Variants in PDIA5 observed in about 807,000 individuals in gnomAD.
The protein encoded by PDIA5 is protein disulfide-isomerase A5.
A neutral mutation model predicts 77.6 loss-of-function variants in PDIA5; 58 were observed. The observed-to-expected ratio is 0.75, with a 90% confidence interval of 0.61 to 0.93. The LOEUF (loss-of-function observed/expected upper bound fraction) is 0.93. Ranked by LOEUF, PDIA5 falls within the 40% of genes least tolerant of loss-of-function variation. The pLI is 0.00. For missense variants in PDIA5, 630 were observed against 647.7 expected (o/e 0.97, Z 0.30); for synonymous variants, 250 against 252.1 (o/e 0.99, Z 0.08).
At chr3:123,125,703 T>C (rs1158191330) in intron 10 of PDIA5, among the ~76,000 whole-genome samples, 1 of 152,170 alleles carries the variant, frequency 6.6e-6, no homozygotes, top group East Asian at 1.9e-4. Flanking sequence ...TTTCTAAAGG[T>C]GGAGAGTCTC....
At chr3:123,108,344 G>A (rs1457814217) in intron 6 of PDIA5, among the ~76,000 whole-genome samples, 1 of 148,856 alleles carries the variant, frequency 6.7e-6, no homozygotes, top group African/African-American at 2.5e-5. Context: ...GCAGTAGCGT[G>A]ATCTTGGCTC....
intron 8 of PDIA5, 109 bp downstream of exon 8, chr3:123,116,407 C>A: frequency 3.6e-6 from 3 of 827,570 alleles, no homozygotes; most frequent in Non-Finnish European, 4.0e-6. Context: ...GGATGACTGA[C>A]CCTGCTGCCT....
At chr3:123,115,457 C>T (rs1223062087) in intron 7 of PDIA5, among the ~76,000 whole-genome samples, 3 of 152,142 alleles carry the variant, frequency 2.0e-5, no homozygotes, top group Admixed American at 6.5e-5. Context: ...CATGGTAGAC[C>T]ACAGAGCCCC....
chr3:123,072,509 G>A (rs541496636), intron 1 of PDIA5, among the ~76,000 whole-genome samples: 2 of 152,260 alleles, frequency 1.3e-5, no homozygotes, highest in East Asian at 1.9e-4. Context: ...TGCCAGGTAC[G>A]GGTACCCCTG....
chr3:123,140,470 A>G (rs1305162755), intron 11 of PDIA5, among the ~76,000 whole-genome samples: 2 of 152,210 alleles, frequency 1.3e-5, no homozygotes, highest in African/African-American at 4.8e-5. Flanking sequence ...AAATATCTGA[A>G]TAAGAAGTAT....
intron 1 of PDIA5, among the ~76,000 whole-genome samples, chr3:123,077,521 G>A (rs943674483): frequency 2.0e-5 from 3 of 151,004 alleles, no homozygotes; most frequent in African/African-American, 7.3e-5. Context: ...ACATCCCAGG[G>A]CCAGCCTCTT....
chr3:123,068,877 A>G (rs1933655249), intron 1 of PDIA5, among the ~76,000 whole-genome samples: 1 of 152,160 alleles, frequency 6.6e-6, no homozygotes, highest in Non-Finnish European at 1.5e-5. Context: ...AACCGGAGCC[A>G]TACGTTGATT....
chr3:123,115,468 G>A (rs902202540), intron 7 of PDIA5, among the ~76,000 whole-genome samples: 8 of 152,142 alleles, frequency 5.3e-5, no homozygotes, highest in Admixed American at 1.3e-4. Flanking sequence ...ACAGAGCCCC[G>A]GAGGGCTGAG....
chr3:123,159,281 G>A (rs528579963), intron 15 of PDIA5, among the ~76,000 whole-genome samples: 3 of 152,284 alleles, frequency 2.0e-5, no homozygotes, highest in Admixed American at 2.0e-4. Flanking sequence ...CCCTGGGCAG[G>A]GCCCCATAGC....
intron 13 of PDIA5, among the ~76,000 whole-genome samples, chr3:123,149,064 A>C (rs748106780): frequency 6.6e-6 from 1 of 152,186 alleles, no homozygotes; most frequent in Non-Finnish European, 1.5e-5. Flanking sequence ...GAACCAGAGA[A>C]GCTGGAGGAC....
chr3:123,084,749 C>T (rs1326708522), intron 1 of PDIA5, among the ~76,000 whole-genome samples: 1 of 152,200 alleles, frequency 6.6e-6, no homozygotes, highest in Non-Finnish European at 1.5e-5. Context: ...ACTCTTTCTT[C>T]CTCACTTACC....
At chr3:123,092,656 C>T (rs1226518624) in intron 3 of PDIA5, among the ~76,000 whole-genome samples, 1 of 152,184 alleles carries the variant, frequency 6.6e-6, no homozygotes, top group African/African-American at 2.4e-5. Context: ...CCATTTCTTC[C>T]CTTTTTCCGT....
intron 8 of PDIA5, among the ~76,000 whole-genome samples, chr3:123,120,812 C>T (rs1232985876): frequency 2.6e-5 from 4 of 152,100 alleles, no homozygotes; most frequent in African/African-American, 9.7e-5. Context: ...CCCACCTCCA[C>T]CTCTCTTTAC....
At chr3:123,113,227 A>G (rs863219) in intron 7 of PDIA5, among the ~76,000 whole-genome samples, 132,432 of 152,184 alleles carry the variant, frequency 0.87, 58,303 homozygotes, top group Middle Eastern at 0.94. Context: ...GTGTATATCA[A>G]TATGCAGTGC....
At position 123,151,856 on chromosome 3, in the gene PDIA5, C is replaced by CCTG. The variant is rs1451174395; in HGVS notation, c.1273+1493_1273+1494insTGC. Among the ~76,000 whole-genome samples, 5 of 145,846 alleles carry CCTG rather than the reference C, an allele frequency of 3.4e-5. No homozygotes were observed. In the East Asian group the frequency reaches 1.0e-3, roughly 30 times the overall value. Reference sequence around the variant, plus strand: ...TCCTGCCTGCCTGCCTTCCTTCCTGCCCTCCTTCCTTCCTGCCCGCCTTCC... The same window carrying CCTG: ...TCCTGCCTGCCTGCCTTCCTTCCTGCCTGCCTCCTTCCTTCCTGCCCGCCTTCC... On this transcript the variant is annotated intron_variant, in intron 14 of 16. Coordinates refer to ENST00000316218, the MANE Select transcript of PDIA5 (RefSeq NM_006810.4).
chr3:123,140,730 T>TG (rs1935611438), intron 11 of PDIA5, among the ~76,000 whole-genome samples: 1 of 152,162 alleles, frequency 6.6e-6, no homozygotes, highest in Non-Finnish European at 1.5e-5. Flanking sequence ...ATGTGTCTGG[T>TG]GGGGCTGCTG....
At chr3:123,155,067 G>C in intron 15 of PDIA5, 26 bp downstream of exon 15, 1 of 1,504,848 alleles carries the variant, frequency 6.6e-7, no homozygotes, top group Non-Finnish European at 9.3e-7. Context: ...TTCATCTCTT[G>C]ATCTGCCTGC....
At chr3:123,072,912 C>CTGTCTGTGTGTGTGTGTGTG (rs1933760526) in intron 1 of PDIA5, among the ~76,000 whole-genome samples, 2 of 146,928 alleles carry the variant, frequency 1.4e-5, no homozygotes, top group South Asian at 4.4e-4. Context: ...ACCTCTCCTT[C>CTGTCTGTGTGTGTGTGTGTG]TGTGTGTGTG....
rs564922883 is a variant in PDIA5 at position 123,124,417 on chromosome 3, G to A, written c.773+74G>A. On this transcript the variant is annotated intron_variant, in intron 10 of 16. Transcript: ENST00000316218. ...CATCTGCCGGGCCTGAGGGTCGCAG[G>A]GCTCTGGCTGGAGGTTGGGGGAAAG... The A allele has an allele frequency of 2.8e-5, 29 of 1,038,386 alleles. No individual in the cohort carries two copies. In the East Asian group the frequency reaches 6.8e-4, roughly 25 times the overall value. 64.3% of individuals were successfully genotyped at this position (1,038,386 alleles called of 1,614,324 possible). A position where few individuals can be genotyped will look rare whatever the true frequency, so the allele number is the denominator to read the frequency against.
Sources: gnomAD v4.1 joint callset for allele counts (sites outside exome capture counted in the v4.1 genomes callset) on GRCh38, gnomAD v4.1.1 for gene constraint, MANE v1.5 for transcripts, NCBI Gene and HGNC (gene_info 2026-07-23, HGNC 2026-07-21) for gene names.